The following BIRC6 variants were observed in gnomAD, a reference collection of about 807,000 sequenced individuals.
BIRC6 encodes dual E2 ubiquitin-conjugating enzyme/E3 ubiquitin-protein ligase BIRC6.
Under a neutral mutation model 503.3 loss-of-function variants are expected in BIRC6, and 98 were observed. The observed-to-expected ratio is 0.19, with a 90% confidence interval of 0.17 to 0.23. The LOEUF is 0.23. BIRC6 is among the 10% of genes least tolerant of loss of function. BIRC6 has a pLI of 1.00. For synonymous variants in BIRC6, 2,240 were observed against 2,078.7 expected, an observed-to-expected ratio of 1.08 and a Z score of -2.11; for missense variants, 5,360 against 5,806.0, an observed-to-expected ratio of 0.92 and a Z score of 2.50.
rs1246102571 is a variant in BIRC6, at chr2:32,599,912, G to A, written c.13992+12G>A. ...ATAATGATGGCAAGGTAAATTAATT[G>A]CAATTTTTTGTTTCAAATGCCAATG... On this transcript the variant is annotated intron_variant, in intron 70 of 73. Coordinates refer to ENST00000421745, the MANE Select transcript of BIRC6 (RefSeq NM_016252.4). The A allele has an allele frequency of 1.2e-6, 2 of 1,606,278 alleles. No individual in the cohort carries two copies. Among genetic ancestry groups the A allele is most frequent in the African/African-American group, 2.7e-5 (2 of 74,826 alleles).
At chr2:32,523,385 A>G (rs2055938994) in intron 57 of BIRC6, 1 of 152,218 alleles carries the variant, frequency 6.6e-6, no homozygotes, top group East Asian at 1.9e-4. Flanking sequence ...TAAGTAAATT[A>G]TTACCTAATA....
intron 23 of BIRC6, among the ~76,000 whole-genome samples, chr2:32,458,120 C>T (rs1196102000): frequency 2.0e-5 from 3 of 152,062 alleles, no homozygotes; most frequent in African/African-American, 7.2e-5. Context: ...TGTCTCTTAG[C>T]TTAGTTTGTA....
At chr2:32,477,947 G>C (rs2049951424) in intron 35 of BIRC6, among the ~76,000 whole-genome samples, 1 of 151,876 alleles carries the variant, frequency 6.6e-6, no homozygotes, top group Non-Finnish European at 1.5e-5. Context: ...TAAAACTTGA[G>C]GGTTTGAAAT....
intron 15 of BIRC6, among the ~76,000 whole-genome samples, chr2:32,438,705 G>A (rs1316969695): frequency 1.3e-5 from 2 of 151,600 alleles, no homozygotes; most frequent in East Asian, 1.9e-4. Context: ...GACTACAGGC[G>A]CCCGCCACCA....
chr2:32,381,565 A>T (rs529554231), intron 3 of BIRC6, among the ~76,000 whole-genome samples: 1 of 133,088 alleles, frequency 7.5e-6, no homozygotes, highest in East Asian at 2.2e-4. Context: ...TTTTGGTTCG[A>T]GACAGAGTCT....
At chr2:32,380,904 G>A (rs2037544884) in intron 3 of BIRC6, among the ~76,000 whole-genome samples, 1 of 152,174 alleles carries the variant, frequency 6.6e-6, no homozygotes, top group Non-Finnish European at 1.5e-5. Flanking sequence ...TAGGTTGTGA[G>A]CTTGGATGCT....
chr2:32,455,379 C>CAAAAAAAAAAAAAAAAAAAAAAAAAAA (rs758202958), intron 23 of BIRC6, among the ~76,000 whole-genome samples: 1 of 88,736 alleles, frequency 1.1e-5, no homozygotes, highest in African/African-American at 4.3e-5. Context: ...ACTCTGTCTC[C>CAAAAAAAAAAAAAAAAAAAAAAAAAAA]AAAAAAAAAA....
At chr2:32,382,126 A>T (rs1486020174) in intron 3 of BIRC6, among the ~76,000 whole-genome samples, 1 of 152,222 alleles carries the variant, frequency 6.6e-6, no homozygotes. Context: ...AGCAGTTTTC[A>T]CCTAGGTCTG....
At chr2:32,543,919 TTATGGAGAAA>T (rs1439430989) in intron 62 of BIRC6, among the ~76,000 whole-genome samples, 1 of 152,154 alleles carries the variant, frequency 6.6e-6, no homozygotes, top group Non-Finnish European at 1.5e-5. Flanking sequence ...GAGTGCAGTA[TTATGGAGAAA>T]CACACATGTG....
intron 1 of BIRC6, among the ~76,000 whole-genome samples, chr2:32,361,010 T>G (rs1258809141): frequency 6.6e-6 from 1 of 152,200 alleles, no homozygotes; most frequent in Non-Finnish European, 1.5e-5. Context: ...AGCCTCTGCC[T>G]CCTTGGCTCA....
At chr2:32,532,044 C>T (rs1168367278) in intron 61 of BIRC6, 6 of 507,298 alleles carry the variant, frequency 1.2e-5, no homozygotes, top group Non-Finnish European at 2.4e-5. Context: ...TTGTATCAAT[C>T]AGTAGGAAGT....
intron 10 of BIRC6, among the ~76,000 whole-genome samples, chr2:32,418,163 G>C (rs1004149656): frequency 6.6e-6 from 1 of 152,176 alleles, no homozygotes; most frequent in African/African-American, 2.4e-5. Context: ...TTTAGAAAAT[G>C]AGCAGTGTAG....
At chr2:32,364,288 C>T (rs915740682) in intron 1 of BIRC6, among the ~76,000 whole-genome samples, 2 of 152,094 alleles carry the variant, frequency 1.3e-5, no homozygotes, top group African/African-American at 4.8e-5. Context: ...TGGAGTCTTG[C>T]TCTGTTGCCT....
chr2:32,537,104 T>C (rs1037495793), intron 61 of BIRC6, among the ~76,000 whole-genome samples: 1 of 152,198 alleles, frequency 6.6e-6, no homozygotes, highest in African/African-American at 2.4e-5. Flanking sequence ...TTTTTACACA[T>C]TGATTTTGTA....
chr2:32,517,816 A>G (rs2055220059), intron 55 of BIRC6, among the ~76,000 whole-genome samples: 1 of 152,182 alleles, frequency 6.6e-6, no homozygotes, highest in African/African-American at 2.4e-5. Context: ...TCCTGGGCTC[A>G]AATGATCTCT....
At chr2:32,427,656 C>T (rs1257307098) in intron 10 of BIRC6, among the ~76,000 whole-genome samples, 1 of 152,050 alleles carries the variant, frequency 6.6e-6, no homozygotes, top group Non-Finnish European at 1.5e-5. Context: ...CTCTATACCC[C>T]TGGTTTCCTC....
chr2:32,467,142 G>T (rs367723166), intron 26 of BIRC6, among the ~76,000 whole-genome samples: 1 of 151,758 alleles, frequency 6.6e-6, no homozygotes, highest in Non-Finnish European at 1.5e-5. Flanking sequence ...AAAAAGAGGG[G>T]TTTCGCTGTA....
chr2:32,477,613 G>C (rs748109285), intron 35 of BIRC6, 30 bp downstream of exon 35: 32 of 1,576,418 alleles, frequency 2.0e-5, no homozygotes, highest in Non-Finnish European at 2.6e-5. Flanking sequence ...AGACTTACAG[G>C]GTTGGCCGGG....
chr2:32,544,233 T>G (rs1002873957), intron 62 of BIRC6, among the ~76,000 whole-genome samples: 2 of 152,138 alleles, frequency 1.3e-5, no homozygotes, highest in African/African-American at 4.8e-5. Context: ...TAAAATGTGT[T>G]AAGATTAGTG....
Sources: gnomAD v4.1 joint callset for allele counts (sites outside exome capture counted in the v4.1 genomes callset) on GRCh38, gnomAD v4.1.1 for gene constraint, MANE v1.5 for transcripts, NCBI Gene and HGNC (gene_info 2026-07-23, HGNC 2026-07-21) for gene names.